Variants in KLHL29 observed in about 807,000 individuals in gnomAD.
KLHL29 encodes the protein kelch-like protein 29.
A neutral mutation model predicts 80.4 loss-of-function variants in KLHL29; 21 were observed. The observed-to-expected ratio is 0.26, with a 90% CI of 0.19 to 0.38. The LOEUF is 0.38. Ranked by LOEUF, KLHL29 falls within the 10% of genes least tolerant of loss-of-function variation. The pLI, the probability that KLHL29 is intolerant of heterozygous loss-of-function variation, is 1.00. For missense variants in KLHL29, 867 were observed against 1,223.9 expected, an observed-to-expected ratio of 0.71 and a Z score of 4.35; for synonymous variants, 511 against 526.8, an observed-to-expected ratio of 0.97 and a Z score of 0.41.
In KLHL29 at chr2:23,695,830, G is replaced by A. The variant is rs1202288340; in HGVS notation, c.1741+9G>A. The A allele has an allele frequency of 2.6e-6, 4 of 1,545,770 alleles. No homozygotes were observed. The highest frequency in any genetic ancestry group is 3.5e-6 in the Non-Finnish European group (4 of 1,145,094). ...GCCGCGCCTCTCTGCAGGTATGAAG[G>A]GGCACGCCCCGAACCTCCCAAGAAG... On this transcript the variant is annotated intron_variant, in intron 9 of 13. Coordinates refer to ENST00000486442, the MANE Select transcript of KLHL29 (RefSeq NM_052920.2). This position sits in a 1 kb window ranked among gnomAD's most constrained non-coding sequence, Gnocchi z 7.6.
chr2:23,493,394 A>G (rs1405047070), intron 2 of KLHL29, among the ~76,000 whole-genome samples: 1 of 152,198 alleles, frequency 6.6e-6, no homozygotes, highest in Non-Finnish European at 1.5e-5. Flanking sequence ...AGAATTATTC[A>G]TATTTTACTG....
intron 3 of KLHL29, among the ~76,000 whole-genome samples, chr2:23,569,743 A>T (rs1256567379): frequency 6.6e-6 from 1 of 152,196 alleles, no homozygotes; most frequent in Admixed American, 6.5e-5. Flanking sequence ...AAATAAACAT[A>T]AAAAGGAGAG....
intron 1 of KLHL29, among the ~76,000 whole-genome samples, chr2:23,413,555 C>T (rs1666914611): frequency 6.6e-6 from 1 of 152,174 alleles, no homozygotes; most frequent in African/African-American, 2.4e-5. Context: ...CTTTTCTTCC[C>T]TCTCCCAATG....
chr2:23,532,698 G>T, intron 2 of KLHL29: 1 of 455,664 alleles, frequency 2.2e-6, no homozygotes, highest in South Asian at 1.6e-5. Flanking sequence ...GGTCAGCATG[G>T]GGGTGGGTGT....
intron 1 of KLHL29, among the ~76,000 whole-genome samples, chr2:23,443,606 TTCTATCCCC>T (rs1663593653): frequency 6.6e-6 from 1 of 152,228 alleles, no homozygotes. Flanking sequence ...TAACTTATTC[TTCTATCCCC>T]TGTATCTCCT....
chr2:23,472,547 T>C (rs1022741313), intron 1 of KLHL29, among the ~76,000 whole-genome samples: 2 of 152,098 alleles, frequency 1.3e-5, no homozygotes, highest in African/African-American at 4.8e-5. Flanking sequence ...GGCAGGAGAA[T>C]TGCTTGAACC....
chr2:23,422,176 GTATC>G (rs563522550), intron 1 of KLHL29, among the ~76,000 whole-genome samples: 177 of 150,768 alleles, frequency 1.2e-3, no homozygotes, highest in African/African-American at 4.2e-3. Context: ...GTGTATCTGT[GTATC>G]TATGTGTCTC....
chr2:23,509,485 C>T (rs577962927), intron 2 of KLHL29, among the ~76,000 whole-genome samples: 3 of 151,952 alleles, frequency 2.0e-5, no homozygotes, highest in South Asian at 4.2e-4. Context: ...AATTAAATAT[C>T]GCCACTCCCT....
chr2:23,436,695 T>A (rs913180531), intron 1 of KLHL29, among the ~76,000 whole-genome samples: 3 of 152,208 alleles, frequency 2.0e-5, no homozygotes, highest in Admixed American at 6.5e-5. Flanking sequence ...TGAAAATGCA[T>A]TGGAGATGCA....
chr2:23,488,607 G>GT (rs1181494206), intron 2 of KLHL29, among the ~76,000 whole-genome samples: 1 of 152,218 alleles, frequency 6.6e-6, no homozygotes, highest in East Asian at 1.9e-4. Context: ...TATTCTACTT[G>GT]TTTTCACCTC....
intron 2 of KLHL29, among the ~76,000 whole-genome samples, chr2:23,501,688 A>T (rs377288433): frequency 6.6e-6 from 1 of 152,188 alleles, no homozygotes; most frequent in Admixed American, 6.5e-5. Flanking sequence ...TCATTAATCT[A>T]GATTTTGTTA....
At chr2:23,499,119 C>T (rs1024836699) in intron 2 of KLHL29, among the ~76,000 whole-genome samples, 5 of 152,152 alleles carry the variant, frequency 3.3e-5, no homozygotes, top group African/African-American at 1.2e-4. Flanking sequence ...CTGCAGCTGC[C>T]TGAGGAAATG....
chr2:23,620,683 G>C (rs1669155084), intron 3 of KLHL29, among the ~76,000 whole-genome samples: 1 of 152,208 alleles, frequency 6.6e-6, no homozygotes, highest in South Asian at 2.1e-4. Context: ...GAGTGGGCTT[G>C]TGAGCATCTG....
chr2:23,528,359 C>T (rs1666388755), intron 2 of KLHL29, among the ~76,000 whole-genome samples: 1 of 151,868 alleles, frequency 6.6e-6, no homozygotes, highest in African/African-American at 2.4e-5. Flanking sequence ...TGTTGTGGGG[C>T]GAGGGGCTGT....
At chr2:23,492,195 G>A (rs561301497) in intron 2 of KLHL29, among the ~76,000 whole-genome samples, 74 of 152,312 alleles carry the variant, frequency 4.9e-4, no homozygotes, top group African/African-American at 1.7e-3. Context: ...TCGTGCCACT[G>A]TGCCTCTTCC....
At chr2:23,592,459 A>G (rs1224143146) in intron 3 of KLHL29, among the ~76,000 whole-genome samples, 5 of 152,230 alleles carry the variant, frequency 3.3e-5, no homozygotes, top group African/African-American at 1.2e-4. Flanking sequence ...CCTGGGAGCC[A>G]AGCAGGGACC....
chr2:23,407,612 T>C (rs181349678), intron 1 of KLHL29, among the ~76,000 whole-genome samples: 97 of 152,336 alleles, frequency 6.4e-4, no homozygotes, highest in African/African-American at 1.9e-3. Flanking sequence ...ACTTTGCTTA[T>C]ACGAATCATC....
intron 1 of KLHL29, among the ~76,000 whole-genome samples, chr2:23,401,914 G>A (rs1361964819): frequency 6.6e-6 from 1 of 152,360 alleles, no homozygotes; most frequent in South Asian, 2.1e-4. Flanking sequence ...TCAGGGCTGC[G>A]TGGGAGTCCC....
intron 3 of KLHL29, among the ~76,000 whole-genome samples, chr2:23,609,598 GAT>G (rs1668808173): frequency 6.6e-6 from 1 of 151,910 alleles, no homozygotes; most frequent in Non-Finnish European, 1.5e-5. Context: ...AGAATTTCAT[GAT>G]AACCGTGGCC....
Sources: gnomAD v4.1 joint callset for allele counts (sites outside exome capture counted in the v4.1 genomes callset) on GRCh38, gnomAD v4.1.1 for gene constraint, Gnocchi (gnomAD v3.1) non-coding constraint, MANE v1.5 for transcripts, NCBI Gene and HGNC (gene_info 2026-07-23, HGNC 2026-07-21) for gene names.